UGT1A9: variants seen among roughly 807,000 people sequenced by gnomAD.
The protein encoded by UGT1A9 is UDP-glucuronosyltransferase 1A9.
Under a neutral mutation model 45.0 loss-of-function variants are expected in UGT1A9, and 35 were observed. The observed-to-expected ratio is 0.78, with a 90% confidence interval of 0.59 to 1.03. The LOEUF is 1.03. Among genes scored for constraint, UGT1A9 ranks in the 50% least tolerant of loss-of-function variants. The pLI is 0.00. For synonymous variants in UGT1A9, 278 were observed against 250.6 expected (o/e 1.11, Z -1.03); for missense variants, 687 against 666.6 (o/e 1.03, Z -0.34).
At chr2:233,677,651 G>A (rs1277496888) in intron 1 of UGT1A9, among the ~76,000 whole-genome samples, 1 of 151,910 alleles carries the variant, frequency 6.6e-6, no homozygotes, top group Non-Finnish European at 1.5e-5. Flanking sequence ...CAGTTAGAAT[G>A]GCTGTTATTA....
intron 1 of UGT1A9, among the ~76,000 whole-genome samples, chr2:233,716,039 C>T (rs1263753435): frequency 6.6e-6 from 1 of 152,186 alleles, no homozygotes; most frequent in Non-Finnish European, 1.5e-5. Context: ...TGTCAGCATT[C>T]TGATTCTGTC....
chr2:233,754,698 G>A (rs1338338783), intron 1 of UGT1A9: 2 of 506,588 alleles, frequency 3.9e-6, no homozygotes, highest in African/African-American at 2.0e-5. Context: ...AGTGGAAGTC[G>A]ACATGGACTT....
intron 1 of UGT1A9, chr2:233,747,938 G>A (rs1693816643): frequency 2.5e-6 from 4 of 1,613,450 alleles, no homozygotes; most frequent in Non-Finnish European, 3.4e-6. Context: ...TTCAGAGGGA[G>A]GTGTCAGTGG....
intron 1 of UGT1A9, chr2:233,742,967 A>G (rs764495397): frequency 2.3e-5 from 5 of 219,774 alleles, no homozygotes; most frequent in African/African-American, 4.7e-5. Context: ...TGTCTGCCTC[A>G]GGCTTAAGTT....
chr2:233,741,352 A>G (rs1236663413), intron 1 of UGT1A9, among the ~76,000 whole-genome samples: 1 of 151,742 alleles, frequency 6.6e-6, no homozygotes, highest in African/African-American at 2.4e-5. Context: ...TCCAACACAC[A>G]AAACCACAAT....
intron 1 of UGT1A9, chr2:233,718,851 CG>C: frequency 6.2e-7 from 1 of 1,613,708 alleles, no homozygotes; most frequent in South Asian, 1.1e-5. Context: ...TCCCCTGCCG[CG>C]GCTGGCCACA....
chr2:233,726,527 G>A (rs2125719925), intron 1 of UGT1A9, among the ~76,000 whole-genome samples: 1 of 152,108 alleles, frequency 6.6e-6, no homozygotes, highest in South Asian at 2.1e-4. Context: ...TCCACTTTTA[G>A]GGAGATGCAG....
intron 1 of UGT1A9, among the ~76,000 whole-genome samples, chr2:233,683,236 G>C (rs979242984): frequency 6.6e-6 from 1 of 151,942 alleles, no homozygotes; most frequent in African/African-American, 2.4e-5. Context: ...CTACTATCAT[G>C]CTGGCTATGT....
chr2:233,706,663 G>T (rs2075918745), intron 1 of UGT1A9, among the ~76,000 whole-genome samples: 1 of 152,176 alleles, frequency 6.6e-6, no homozygotes, highest in South Asian at 2.1e-4. Context: ...CTGTAGGTCT[G>T]ATTTCTACTC....
At position 233,747,601 on chromosome 2, in the gene UGT1A9, AGCTACT is replaced by A. The variant is rs1032585099; in HGVS notation, c.856-19430_856-19425del. 3.2e-6 allele frequency: 5 copies of A among 1,575,002 alleles called. No individual in the cohort carries two copies. In the African/African-American group the frequency reaches 6.8e-5, roughly 21 times the overall value. The stretch of plus-strand genomic sequence containing the variant: ...TTGGTCTTTCATAGGTCTTGTGTGG[AGCTACT>A]GCATAATGAGGCCCTGATCAGGCAC... On this transcript the variant is annotated intron_variant, in intron 1 of 4. Transcript: ENST00000354728.
chr2:233,689,795 T>C (rs1559343823), intron 1 of UGT1A9: 2 of 430,076 alleles, frequency 4.7e-6, no homozygotes, highest in Non-Finnish European at 9.2e-6. Context: ...ATGTGATCTG[T>C]AGTTTCTATA....
intron 4 of UGT1A9, chr2:233,770,180 T>C (rs1257391797): frequency 6.6e-6 from 1 of 152,250 alleles, no homozygotes; most frequent in Non-Finnish European, 1.5e-5. Context: ...CTCAACTTAT[T>C]AACTAACTTT....
intron 1 of UGT1A9, chr2:233,718,043 G>A (rs1022101837): frequency 1.5e-4 from 57 of 375,810 alleles, no homozygotes; most frequent in Non-Finnish European, 6.8e-5. Context: ...GTGAGCAGGA[G>A]CTCCCTGAAC....
chr2:233,742,167 C>G (rs1211667030), intron 1 of UGT1A9, among the ~76,000 whole-genome samples: 2 of 151,916 alleles, frequency 1.3e-5, no homozygotes, highest in Non-Finnish European at 2.9e-5. Flanking sequence ...GACACACACA[C>G]AGAAATATAG....
At chr2:233,686,962 G>A (rs1223921259) in intron 1 of UGT1A9, among the ~76,000 whole-genome samples, 1 of 152,160 alleles carries the variant, frequency 6.6e-6, no homozygotes, top group Non-Finnish European at 1.5e-5. Context: ...TAATTAATTA[G>A]CAAGGCAGGG....
intron 1 of UGT1A9, among the ~76,000 whole-genome samples, chr2:233,696,293 A>G (rs2075336529): frequency 2.0e-5 from 3 of 152,250 alleles, no homozygotes. Flanking sequence ...GGACTGTAAT[A>G]TCGTGAAATA....
rs1297970201 is a variant in UGT1A9, at chr2:233,751,288, T to C, written c.856-15746T>C. 1.2e-4 allele frequency among the ~76,000 whole-genome samples: 18 copies of C among 151,952 alleles called. 3 individuals are homozygous for C. Among genetic ancestry groups the C allele is most frequent in the African/African-American group, 4.4e-4 (18 of 41,184 alleles). Reference sequence around the variant, plus strand: ...CCTTTTTTTGGCCAGTTTCTCCCATTTGGAATGGGAATATTTACCCAATTT... The same window carrying C: ...CCTTTTTTTGGCCAGTTTCTCCCATCTGGAATGGGAATATTTACCCAATTT... On this transcript the variant is annotated intron_variant, in intron 1 of 4. Transcript: ENST00000354728.
intron 1 of UGT1A9, 145 bp from the exon 2 acceptor site, chr2:233,766,889 C>A: frequency 6.8e-7 from 1 of 1,464,614 alleles, no homozygotes; most frequent in Non-Finnish European, 9.0e-7. Context: ...GTAAAACTTA[C>A]ATATTAATAA....
At chr2:233,700,177 G>A (rs567551124) in intron 1 of UGT1A9, among the ~76,000 whole-genome samples, 1 of 152,296 alleles carries the variant, frequency 6.6e-6, no homozygotes, top group Admixed American at 6.5e-5. Context: ...GCTCATTCAG[G>A]CTGAAATCTC....
Sources: gnomAD v4.1 joint callset for allele counts (sites outside exome capture counted in the v4.1 genomes callset) on GRCh38, gnomAD v4.1.1 for gene constraint, MANE v1.5 for transcripts, NCBI Gene and HGNC (gene_info 2026-07-23, HGNC 2026-07-21) for gene names.